The following CNTNAP2 variants were observed in gnomAD, a reference collection of about 807,000 sequenced individuals.
CNTNAP2 encodes contactin associated protein 2.
In CNTNAP2, 98 loss-of-function variants were observed where a neutral mutation model predicts 155.2. The observed-to-expected ratio is 0.63, with a 90% CI of 0.54 to 0.75. The LOEUF (loss-of-function observed/expected upper bound fraction) is 0.75, where lower values mean the gene tolerates loss of function less well. Ranked by LOEUF, CNTNAP2 falls within the 30% of genes least tolerant of loss-of-function variation. The pLI is 0.00. For synonymous variants in CNTNAP2, 651 were observed against 631.2 expected (o/e 1.03, Z -0.47); for missense variants, 1,727 against 1,688.1 (o/e 1.02, Z -0.40).
intron 3 of CNTNAP2, among the ~76,000 whole-genome samples, chr7:147,013,390 G>A (rs1798661275): frequency 6.6e-6 from 1 of 152,042 alleles, no homozygotes; most frequent in African/African-American, 2.4e-5. Flanking sequence ...GTGCTAAGTG[G>A]TTTCTTCAGT....
chr7:147,645,299 T>C (rs746076033), intron 13 of CNTNAP2, among the ~76,000 whole-genome samples: 2 of 152,204 alleles, frequency 1.3e-5, no homozygotes, highest in African/African-American at 2.4e-5. Flanking sequence ...GAATTTCAAG[T>C]TATGCTGTGC....
intron 13 of CNTNAP2, among the ~76,000 whole-genome samples, chr7:147,660,402 C>T (rs1226077915): frequency 1.3e-5 from 2 of 152,160 alleles, no homozygotes; most frequent in Non-Finnish European, 2.9e-5. Flanking sequence ...CATATCTTTC[C>T]CTTCTTCCTC....
At chr7:147,245,486 G>A (rs1374895451) in intron 8 of CNTNAP2, among the ~76,000 whole-genome samples, 2 of 151,860 alleles carry the variant, frequency 1.3e-5, no homozygotes, top group Non-Finnish European at 2.9e-5. Context: ...TCCACTAGAG[G>A]GAGCACTTGA....
chr7:147,900,849 C>G (rs370158639), intron 13 of CNTNAP2, among the ~76,000 whole-genome samples: 30,630 of 151,998 alleles, frequency 0.2, 3,445 homozygotes, highest in Middle Eastern at 0.28. Flanking sequence ...CTCCCACTTC[C>G]AATATGTTCT....
chr7:147,182,631 C>T (rs1462307879), intron 8 of CNTNAP2, among the ~76,000 whole-genome samples: 3 of 151,636 alleles, frequency 2.0e-5, no homozygotes, highest in Non-Finnish European at 4.4e-5. Context: ...TAAAAAAAAA[C>T]CCTTTTATGT....
intron 1 of CNTNAP2, among the ~76,000 whole-genome samples, chr7:146,503,467 G>A (rs1797336710): frequency 6.6e-6 from 1 of 152,162 alleles, no homozygotes; most frequent in Non-Finnish European, 1.5e-5. Flanking sequence ...TTCCAATGTG[G>A]CCTAGCCAAA....
At chr7:146,541,202 A>G (rs1797948077) in intron 1 of CNTNAP2, among the ~76,000 whole-genome samples, 1 of 152,046 alleles carries the variant, frequency 6.6e-6, no homozygotes, top group Non-Finnish European at 1.5e-5. Context: ...CAATTGATCC[A>G]GTAATTGCCA....
intron 12 of CNTNAP2, among the ~76,000 whole-genome samples, chr7:147,618,740 A>G (rs752058924): frequency 6.6e-6 from 1 of 150,732 alleles, no homozygotes; most frequent in Non-Finnish European, 1.5e-5. Flanking sequence ...CACTTATACG[A>G]TTAAGAAACT....
intron 1 of CNTNAP2, among the ~76,000 whole-genome samples, chr7:146,739,271 T>C (rs1031259543): frequency 3.9e-5 from 6 of 152,020 alleles, no homozygotes; most frequent in African/African-American, 1.4e-4. Flanking sequence ...CATTTATTGC[T>C]ATAAAACTTC....
At chr7:147,426,188 TA>T (rs111873401) in intron 10 of CNTNAP2, among the ~76,000 whole-genome samples, 4,564 of 149,510 alleles carry the variant, frequency 0.031, 180 homozygotes, top group African/African-American at 0.091. Flanking sequence ...TGTGCTTTTT[TA>T]TTTTTTTAAA....
intron 4 of CNTNAP2, among the ~76,000 whole-genome samples, chr7:147,067,581 G>A (rs1408967120): frequency 2.0e-5 from 3 of 152,086 alleles, no homozygotes; most frequent in Non-Finnish European, 4.4e-5. Flanking sequence ...CCACCTGTCC[G>A]ACATTAATTC....
intron 1 of CNTNAP2, among the ~76,000 whole-genome samples, chr7:146,596,103 C>T (rs1798854543): frequency 6.6e-6 from 1 of 152,006 alleles, no homozygotes; most frequent in Non-Finnish European, 1.5e-5. Context: ...AATATAGCAG[C>T]ATGCTCCGGA....
chr7:147,427,202 G>A lies in CNTNAP2; in HGVS notation c.1670+31422G>A, dbSNP rs111618003. Among the ~76,000 whole-genome samples the A allele has an allele frequency of 2.1e-3, 327 of 152,172 alleles. 1 individual carries two copies. Among genetic ancestry groups the A allele is most frequent in the African/African-American group, 7.6e-3 (315 of 41,536 alleles). On this transcript the variant is annotated intron_variant, in intron 10 of 23. Coordinates refer to ENST00000361727, the MANE Select transcript of CNTNAP2 (RefSeq NM_014141.6). ...CATGTATTCTTGAACCCTTTTATAA[G>A]GATGTTAGTCCCATTCAGGGCCCTC...
chr7:147,785,308 C>T (rs938706135), intron 13 of CNTNAP2, among the ~76,000 whole-genome samples: 7 of 152,100 alleles, frequency 4.6e-5, no homozygotes, highest in African/African-American at 1.7e-4. Flanking sequence ...AAGCTCTGGA[C>T]TCAGGAAAGC....
At chr7:148,285,409 A>G (rs957008643) in intron 21 of CNTNAP2, among the ~76,000 whole-genome samples, 2 of 152,246 alleles carry the variant, frequency 1.3e-5, no homozygotes, top group Non-Finnish European at 2.9e-5. Context: ...ACAAACTCAG[A>G]GGTTAAAGCA....
chr7:148,410,993 C>T (rs6954267), intron 23 of CNTNAP2, among the ~76,000 whole-genome samples: 43,670 of 151,958 alleles, frequency 0.29, 7,129 homozygotes, highest in African/African-American at 0.43. Flanking sequence ...TCATGTACCC[C>T]GTAAATTTGC....
chr7:148,222,793 G>T (rs1585198447), intron 19 of CNTNAP2, among the ~76,000 whole-genome samples: 2 of 152,146 alleles, frequency 1.3e-5, no homozygotes, highest in African/African-American at 4.8e-5. Context: ...AGACTCCTCA[G>T]TGCCACAAAC....
At chr7:146,842,846 C>T (rs868501741) in intron 3 of CNTNAP2, among the ~76,000 whole-genome samples, 21 of 150,808 alleles carry the variant, frequency 1.4e-4, no homozygotes, top group East Asian at 4.0e-4. Flanking sequence ...CCACCACGCC[C>T]GGCTAATTTT....
intron 1 of CNTNAP2, among the ~76,000 whole-genome samples, chr7:146,715,344 C>A (rs1349803747): frequency 5.3e-5 from 8 of 152,034 alleles, no homozygotes; most frequent in African/African-American, 1.9e-4. Context: ...AGAAAACAAA[C>A]AAACAAAACT....
Sources: gnomAD v4.1 joint callset for allele counts (sites outside exome capture counted in the v4.1 genomes callset) on GRCh38, gnomAD v4.1.1 for gene constraint, MANE v1.5 for transcripts, NCBI Gene and HGNC (gene_info 2026-07-23, HGNC 2026-07-21) for gene names.